CACNA1E: variants seen among roughly 807,000 people sequenced by gnomAD.
CACNA1E encodes the protein voltage-dependent R-type calcium channel subunit alpha-1E.
CACNA1E carries 40 observed loss-of-function variants against 259.2 expected under a neutral mutation model. The ratio of observed to expected loss-of-function variants is 0.15; its 90% CI spans 0.12 to 0.20. The LOEUF (loss-of-function observed/expected upper bound fraction) is 0.20, where lower values mean the gene tolerates loss of function less well. CACNA1E is among the 10% of genes least tolerant of loss of function. The pLI is 1.00. For missense variants in CACNA1E, 1,874 were observed against 3,040.1 expected, an observed-to-expected ratio of 0.62 and a Z score of 9.02; for synonymous variants, 1,104 against 1,138.5, an observed-to-expected ratio of 0.97 and a Z score of 0.61.
chr1:181,570,874 T>A (rs1650341093), intron 3 of CACNA1E, among the ~76,000 whole-genome samples: 2 of 152,232 alleles, frequency 1.3e-5, no homozygotes, highest in African/African-American at 4.8e-5. Context: ...CAGGTAACGT[T>A]CACAGATTTC....
At chr1:181,336,096 A>T (rs1651691330) in intron 1 of CACNA1E, among the ~76,000 whole-genome samples, 1 of 152,054 alleles carries the variant, frequency 6.6e-6, no homozygotes. Flanking sequence ...TTTCCTCTTG[A>T]TGGGTACTTC....
intron 18 of CACNA1E, among the ~76,000 whole-genome samples, chr1:181,728,176 A>C (rs1655091921): frequency 6.6e-6 from 1 of 152,220 alleles, no homozygotes; most frequent in Non-Finnish European, 1.5e-5. Flanking sequence ...GGTATCCAAA[A>C]ATGTGGATGG....
At chr1:181,709,316 A>G (rs763862624) in intron 7 of CACNA1E, among the ~76,000 whole-genome samples, 3 of 152,138 alleles carry the variant, frequency 2.0e-5, no homozygotes, top group African/African-American at 7.2e-5. Flanking sequence ...CCCTTCCCCC[A>G]TAGCACCTTT....
At chr1:181,744,419 A>T (rs1648017342) in intron 25 of CACNA1E, among the ~76,000 whole-genome samples, 1 of 152,144 alleles carries the variant, frequency 6.6e-6, no homozygotes, top group African/African-American at 2.4e-5. Flanking sequence ...GAGTTTGAGA[A>T]TATGGTCCTC....
chr1:181,587,763 G>A (rs1233479133), intron 6 of CACNA1E, among the ~76,000 whole-genome samples: 1 of 152,140 alleles, frequency 6.6e-6, no homozygotes, highest in Non-Finnish European at 1.5e-5. Flanking sequence ...GGCGCCTGTA[G>A]TCCCAGCTAC....
chr1:181,410,327 T>C (rs749528808), intron 1 of CACNA1E, among the ~76,000 whole-genome samples: 16 of 152,212 alleles, frequency 1.1e-4, no homozygotes, highest in Non-Finnish European at 1.9e-4. Context: ...CTGGACTCCT[T>C]ATCTTCCTTC....
At chr1:181,633,824 G>A (rs778774305) in intron 6 of CACNA1E, among the ~76,000 whole-genome samples, 22 of 152,148 alleles carry the variant, frequency 1.4e-4, no homozygotes, top group Non-Finnish European at 2.6e-4. Context: ...TTTTCAAAGC[G>A]CTATCCCATG....
chr1:181,623,715 C>T lies in CACNA1E; in HGVS notation c.952-27623C>T, dbSNP rs535314032. Among the ~76,000 whole-genome samples the T allele has an allele frequency of 2.5e-4, 38 of 152,158 alleles. No homozygotes were observed. In the South Asian group the frequency reaches 4.6e-3, roughly 18 times the overall value. ...TAGTCTATTAAGTGTGCAATAACAT[C>T]GTGTCAAAAAAACATATCTACATAC... On this transcript the variant is annotated intron_variant, in intron 6 of 47. Transcript: ENST00000367573.
At chr1:181,587,390 T>C (rs958835330) in intron 6 of CACNA1E, among the ~76,000 whole-genome samples, 15 of 152,164 alleles carry the variant, frequency 9.9e-5, no homozygotes, top group African/African-American at 3.6e-4. Flanking sequence ...TCTGGTCACA[T>C]TCAGCCACTG....
chr1:181,410,632 G>A (rs1657779937), intron 1 of CACNA1E, among the ~76,000 whole-genome samples: 1 of 152,284 alleles, frequency 6.6e-6, no homozygotes, highest in African/African-American at 2.4e-5. Context: ...GAGGAGGGGG[G>A]CTGGGAGAGG....
intron 2 of CACNA1E, among the ~76,000 whole-genome samples, chr1:181,440,081 A>G (rs1660354877): frequency 6.6e-6 from 1 of 152,242 alleles, no homozygotes; most frequent in Admixed American, 6.5e-5. Context: ...CTTTCGTGTC[A>G]ATTATCTCAG....
chr1:181,344,820 C>T (rs912777385), intron 1 of CACNA1E, among the ~76,000 whole-genome samples: 10 of 152,212 alleles, frequency 6.6e-5, no homozygotes. Flanking sequence ...TGAAGTCTTT[C>T]TTTTAATTAC....
At chr1:181,554,270 C>T (rs1179672710) in intron 3 of CACNA1E, among the ~76,000 whole-genome samples, 1 of 152,164 alleles carries the variant, frequency 6.6e-6, no homozygotes, top group African/African-American at 2.4e-5. Context: ...ACCTCCGCTT[C>T]CCAAAGTGCT....
Position 181,707,850 on chromosome 1 carries a change from T to G in CACNA1E, c.1056-3104T>G, listed in dbSNP as rs539910204. The stretch of plus-strand genomic sequence containing the variant: ...ATTCTAGTCTAGGAAGATAGAAAGT[T>G]GAGTAAGGCACAGAATGTTTTTGCA... On this transcript the variant is annotated intron_variant, in intron 7 of 47. Transcript: ENST00000367573. Among the ~76,000 whole-genome samples, 3 of 152,132 alleles carry G rather than the reference T, an allele frequency of 2.0e-5. No homozygotes were observed. In the South Asian group the frequency reaches 6.2e-4, roughly 32 times the overall value.
At chr1:181,645,141 G>T (rs116057874) in intron 6 of CACNA1E, among the ~76,000 whole-genome samples, 88 of 152,272 alleles carry the variant, frequency 5.8e-4, no homozygotes, top group African/African-American at 2.0e-3. Context: ...CCTGTGGATG[G>T]CTCAGCACAT....
At chr1:181,577,133 G>A (rs1223385298) in intron 3 of CACNA1E, among the ~76,000 whole-genome samples, 1 of 152,210 alleles carries the variant, frequency 6.6e-6, no homozygotes, top group East Asian at 1.9e-4. Context: ...TTGTATGTGT[G>A]TGTATTTCTG....
chr1:181,321,326 A>C (rs1412848883), intron 1 of CACNA1E, among the ~76,000 whole-genome samples: 1 of 152,048 alleles, frequency 6.6e-6, no homozygotes, highest in Non-Finnish European at 1.5e-5. Context: ...CAGGGATCTC[A>C]CCTCTGGATC....
chr1:181,339,292 A>G (rs2102626662), intron 1 of CACNA1E, among the ~76,000 whole-genome samples: 1 of 152,248 alleles, frequency 6.6e-6, no homozygotes, highest in South Asian at 2.1e-4. Context: ...TAACCCAGAA[A>G]CATGGGAAAT....
intron 2 of CACNA1E, among the ~76,000 whole-genome samples, chr1:181,419,664 G>C (rs1211241111): frequency 6.6e-6 from 1 of 152,220 alleles, no homozygotes; most frequent in African/African-American, 2.4e-5. Flanking sequence ...CTAGTGTGCA[G>C]TTGACTCACA....
Sources: allele counts gnomAD v4.1 joint callset (sites outside exome capture counted in the v4.1 genomes callset), GRCh38; gene constraint gnomAD v4.1.1; transcripts MANE v1.5; gene names NCBI Gene and HGNC (gene_info 2026-07-23, HGNC 2026-07-21).